KNL1: variants seen among roughly 807,000 people sequenced by gnomAD.
The protein encoded by KNL1 is kinetochore scaffold 1.
Under a neutral mutation model 201.3 loss-of-function variants are expected in KNL1, and 66 were observed. That is an observed-to-expected ratio of 0.33 (90% CI 0.27 to 0.40). The LOEUF is 0.40. Ranked by LOEUF, KNL1 falls within the 10% of genes least tolerant of loss-of-function variation. KNL1 has a pLI of 1.00. For missense variants in KNL1, 2,815 were observed against 2,690.5 expected (o/e 1.05, Z -1.02); for synonymous variants, 895 against 899.2 (o/e 1.00, Z 0.08).
Position 40,662,159 on chromosome 15 carries a change from C to G in KNL1, c.6922C>G (p.Leu2308Val). Reference protein sequence around the residue: ...KNVVKQIYQDLFQDCHFYH With the variant: ...KNVVKQIYQDVFQDCHFYH ...TGTAGTCAAGCAAATTTACCAAGAT[C>G]TGTTTCAGGACTGCCATTTCTACCA... Residue 2308 changes from leucine to valine, a missense_variant, in exon 26 of 26, where the codon CTG becomes GTG. Coordinates refer to ENST00000399668, the MANE Select transcript of KNL1 (RefSeq NM_144508.5). 1 of 1,610,206 alleles carries G rather than the reference C, an allele frequency of 6.2e-7. No homozygotes were observed. The highest frequency in any genetic ancestry group is 8.5e-7 in the Non-Finnish European group (1 of 1,176,498).
At chr15:40,661,344 T>G (rs1443927607) in intron 25 of KNL1, among the ~76,000 whole-genome samples, 1 of 151,662 alleles carries the variant, frequency 6.6e-6, no homozygotes, top group East Asian at 1.9e-4. Context: ...TACAAAAAAA[T>G]AGCCAGGCGT....
chr15:40,660,860 G>A (rs1893887898), intron 25 of KNL1, among the ~76,000 whole-genome samples: 1 of 151,916 alleles, frequency 6.6e-6, no homozygotes, highest in Non-Finnish European at 1.5e-5. Context: ...CTAATCTTGA[G>A]GCTGAGGTGG....
In KNL1 at chr15:40,631,141, AAAAAT is replaced by A. The variant is rs533042255; in HGVS notation, c.5682+1780_5682+1784del. ...TCAAAAAATAAAAATAAAAATAAAT[AAAAAT>A]AAAATAAAAACAAGGAAGTTCACAA... On this transcript the variant is annotated intron_variant, in intron 13 of 25. Coordinates refer to ENST00000399668, the MANE Select transcript of KNL1 (RefSeq NM_144508.5). 6.3e-4 allele frequency among the ~76,000 whole-genome samples: 95 copies of A among 150,972 alleles called. 1 individual carries two copies. In the East Asian group the frequency reaches 0.012, roughly 19 times the overall value.
At position 40,659,421 on chromosome 15, in the gene KNL1, C is replaced by G. The variant is rs536166099; in HGVS notation, c.6796C>G (p.Pro2266Ala). 47 of 1,613,706 alleles carry G rather than the reference C, an allele frequency of 2.9e-5. No homozygotes were observed. The highest frequency in any genetic ancestry group is 3.7e-5 in the Non-Finnish European group (44 of 1,179,750). Residue 2266 changes from proline (P) to alanine (A), a missense_variant, in exon 25 of 26, where the codon CCA (proline) becomes GCA (alanine). By Grantham distance (27) the Pro-to-Ala change is conservative. Coordinates refer to ENST00000399668, the MANE Select transcript of KNL1 (RefSeq NM_144508.5). Reference sequence around the variant, plus strand: ...TCTCTCAGCCTATTATCCATCTGTACCATTACCTTCCACCATTCAGAATCA... The same window carrying G: ...TCTCTCAGCCTATTATCCATCTGTAGCATTACCTTCCACCATTCAGAATCA... The part of the protein sequence containing the change: ...LFLSAYYPSV[P>A]LPSTIQNHVG...
chr15:40,622,882 A>T lies in KNL1; in HGVS notation c.2618A>T (p.Asp873Val). The T allele has an allele frequency of 6.2e-7, 1 of 1,612,874 alleles. No individual in the cohort carries two copies. Among genetic ancestry groups the T allele is most frequent in the Non-Finnish European group, 8.5e-7 (1 of 1,179,062 alleles). The change falls in exon 10 of 26, where the codon GAT (aspartate) becomes GTT (valine). Residue 873 changes from aspartate to valine, a missense_variant. Transcript: ENST00000399668. ...TCAGAAGACGATAAGAATGATATGG[A>T]TATCACTAAGAGTTATACAATAGAA... ...VFSEDDKNDM[D>V]ITKSYTIEIN...
At chr15:40,642,954 A>G (rs1391778075) in intron 14 of KNL1, 1 of 152,096 alleles carries the variant, frequency 6.6e-6, no homozygotes, top group South Asian at 2.1e-4. Context: ...ATGAAACGGG[A>G]TCTTACACTC....
chr15:40,594,358 T>C lies in KNL1; in HGVS notation c.-52T>C, dbSNP rs1245873469. 1 of 152,260 alleles carries C rather than the reference T, an allele frequency of 6.6e-6. No homozygotes were observed. Among genetic ancestry groups the C allele is most frequent in the Non-Finnish European group, 1.5e-5 (1 of 68,070 alleles). 9.4% of individuals were successfully genotyped at this position (152,260 alleles called of 1,614,324 possible). The stretch of plus-strand genomic sequence containing the variant: ...AGAGCGTGTGGACCCCAAACAAGTC[T>C]GCGCAAAATTTGTCGAGGAGGTTTG... On this transcript the variant is annotated 5_prime_UTR_variant, in exon 1 of 26. Transcript: ENST00000399668.
Position 40,625,051 on chromosome 15 carries a change from A to G in KNL1, c.4787A>G (p.Asp1596Gly), listed in dbSNP as rs368180864. The change falls in exon 10 of 26, where the codon GAT (aspartate) becomes GGT (glycine). Residue 1596 changes from aspartate to glycine, a missense_variant. Physicochemically the swap from Asp to Gly is moderately conservative, Grantham distance 94 (BLOSUM62 -1). This residue lies in a region of KNL1 where 2,464 missense variants were observed against 2,291.7 expected (regional missense o/e 1.08). Coordinates refer to ENST00000399668, the MANE Select transcript of KNL1 (RefSeq NM_144508.5). ...GAATTAGGAAATAAGGCACACAATG[A>G]TATGCATATAGTGCAAGCTACAGAA... Reference protein sequence around the residue: ...LLELGNKAHNDMHIVQATEIH... With the variant: ...LLELGNKAHNGMHIVQATEIH... The G allele has an allele frequency of 1.9e-6, 3 of 1,613,642 alleles. No individual in the cohort carries two copies. Among genetic ancestry groups the G allele is most frequent in the Non-Finnish European group, 2.5e-6 (3 of 1,179,744 alleles).
At chr15:40,602,134 A>T (rs1891819590) in intron 1 of KNL1, among the ~76,000 whole-genome samples, 1 of 150,046 alleles carries the variant, frequency 6.7e-6, no homozygotes. Context: ...GGTTCACGCC[A>T]TTCTGCCTCA....
chr15:40,655,084 G>T (rs577141588), intron 22 of KNL1, 107 bp downstream of exon 22: 4 of 783,078 alleles, frequency 5.1e-6, no homozygotes, highest in Non-Finnish European at 8.4e-6. Context: ...GATCACCAGG[G>T]GTCAGGAGTT....
rs748910225 is a variant in KNL1, at chr15:40,621,215, C to T, written c.951C>T (p.Asp317=). 1.2e-6 allele frequency: 2 copies of T among 1,612,428 alleles called. No individual in the cohort carries two copies. Among genetic ancestry groups the T allele is most frequent in the South Asian group, 1.1e-5 (1 of 90,918 alleles). ...KGNDITIYGN[D]FMDLTFNHTL... is the part of the protein sequence containing the mutation. ...ATGATATTACAATTTATGGCAATGA[C>T]TTTATGGACTTGACATTTAACCACA... Residue 317 remains aspartate (D), a synonymous_variant, in exon 10 of 26, where the codon GAC becomes GAT. Transcript: ENST00000399668.
At chr15:40,616,327 A>T (rs1415003829) in intron 8 of KNL1, among the ~76,000 whole-genome samples, 1 of 150,018 alleles carries the variant, frequency 6.7e-6, no homozygotes, top group Non-Finnish European at 1.5e-5. Context: ...GGGTTTCTCC[A>T]TGTTGGCCAG....
rs1314926251 is a variant in KNL1, at chr15:40,622,760, T to G, written c.2496T>G (p.Ser832Arg). ...NCIMDVLEDE[S>R]VQKPKFPKEK... ...TTATGGATGTGTTAGAGGACGAAAG[T>G]GTACAGAAACCTAAATTTCCAAAGG... Residue 832 changes from serine (S) to arginine (R), a missense_variant, in exon 10 of 26, where the codon AGT becomes AGG. By Grantham distance (110) the Ser-to-Arg change is moderately radical (BLOSUM62 -1). Transcript: ENST00000399668. The G allele has an allele frequency of 6.2e-7, 1 of 1,609,492 alleles. No homozygotes were observed. Among genetic ancestry groups the G allele is most frequent in the Non-Finnish European group, 8.5e-7 (1 of 1,178,366 alleles).
At chr15:40,598,967 T>A (rs1191923465) in intron 1 of KNL1, among the ~76,000 whole-genome samples, 1 of 151,734 alleles carries the variant, frequency 6.6e-6, no homozygotes, top group East Asian at 1.9e-4. Context: ...CCATACCTGG[T>A]TAATTATTTT....
chr15:40,646,179 C>T (rs1200314951), intron 16 of KNL1, among the ~76,000 whole-genome samples: 1 of 152,146 alleles, frequency 6.6e-6, no homozygotes, highest in Non-Finnish European at 1.5e-5. Context: ...AAAAAACTTT[C>T]CATTGGCAAG....
Position 40,652,100 on chromosome 15 carries a change from C to A in KNL1, c.6410C>A (p.Ser2137Ter). 1 of 1,607,820 alleles carries A rather than the reference C, an allele frequency of 6.2e-7. No individual in the cohort carries two copies. Among genetic ancestry groups the A allele is most frequent in the South Asian group, 1.1e-5 (1 of 90,810 alleles). The change falls in exon 21 of 26, where the codon TCA becomes TAA. Residue 2137 changes from serine (S) to a stop codon, truncating the protein, a stop_gained. Transcript: ENST00000399668. LOFTEE classifies it high-confidence loss of function. ...CAACTCACCATCACCTTTGAAGAGT[C>A]AGTTGGTAAGGAGCCAAAGTGAGAT... ...TIQLTITFEE[S>*]VVGFPFLDKR...
intron 9 of KNL1, 36 bp downstream of exon 9, chr15:40,619,047 T>C: frequency 7.5e-7 from 1 of 1,339,556 alleles, no homozygotes; most frequent in Non-Finnish European, 1.1e-6. Flanking sequence ...TATTGTAATG[T>C]CATTTGATTG....
Position 40,621,159 on chromosome 15 carries a change from A to C in KNL1, c.895A>C (p.Ser299Arg). The change falls in exon 10 of 26, where the codon AGT (serine) becomes CGT (arginine). Residue 299 changes from serine (S) to arginine (R), a missense_variant. Coordinates refer to ENST00000399668, the MANE Select transcript of KNL1 (RefSeq NM_144508.5). ...TATTCAGACATTGATTCCCACATCCAGTGAGACCAACTCACGGGAATCTAA... is the reference window on the plus strand; with the variant it reads ...TATTCAGACATTGATTCCCACATCCCGTGAGACCAACTCACGGGAATCTAA... ...ANIQTLIPTS[S>R]ETNSRESKGN... 1 of 1,613,686 alleles carries C rather than the reference A, an allele frequency of 6.2e-7. No homozygotes were observed. The highest frequency in any genetic ancestry group is 8.5e-7 in the Non-Finnish European group (1 of 1,179,794).
rs778146592 is a variant in KNL1 at position 40,623,029 on chromosome 15, C to G, written c.2765C>G (p.Thr922Ser). Residue 922 changes from threonine (T) to serine (S), a missense_variant, in exon 10 of 26, where the codon ACT becomes AGT. By Grantham distance (58) the Thr-to-Ser change is moderately conservative (BLOSUM62 1). Coordinates refer to ENST00000399668, the MANE Select transcript of KNL1 (RefSeq NM_144508.5). ...DDMEITRSHT[T>S]ALECKTVSPD... ...ATGGAGATCACTAGAAGTCACACAA[C>G]TGCCTTAGAATGTAAAACTGTCTCA... The G allele has an allele frequency of 4.3e-6, 7 of 1,613,838 alleles. No homozygotes were observed. In the Admixed American group the frequency reaches 1.2e-4, roughly 27 times the overall value.
Sources: gnomAD v4.1 joint callset for allele counts (sites outside exome capture counted in the v4.1 genomes callset) on GRCh38, gnomAD v4.1.1 for gene constraint, gnomAD v4.1.1 regional missense constraint, MANE v1.5 for transcripts, NCBI Gene and HGNC (gene_info 2026-07-23, HGNC 2026-07-21) for gene names.